CMSS1: variants seen among roughly 807,000 people sequenced by gnomAD.
The protein encoded by CMSS1 is protein CMSS1.
In CMSS1, 33 loss-of-function variants were observed where a neutral mutation model predicts 43.5. The observed-to-expected ratio is 0.76, with a 90% CI of 0.57 to 1.01. CMSS1 has a LOEUF of 1.01. CMSS1 is among the 50% of genes least tolerant of loss of function. CMSS1 has a pLI of 0.00. For missense variants in CMSS1, 313 were observed against 326.4 expected, an observed-to-expected ratio of 0.96 and a Z score of 0.32; for synonymous variants, 115 against 117.2, an observed-to-expected ratio of 0.98 and a Z score of 0.12.
At chr3:99,962,998 C>G (rs2107705608) in intron 1 of CMSS1, among the ~76,000 whole-genome samples, 1 of 152,324 alleles carries the variant, frequency 6.6e-6, no homozygotes, top group South Asian at 2.1e-4. Context: ...AGATTGCTCT[C>G]TTGATGGATT....
At chr3:100,172,460 A>G (rs1576121871) in intron 8 of CMSS1, 57 bp downstream of exon 8, 2 of 1,301,692 alleles carry the variant, frequency 1.5e-6, no homozygotes, top group Non-Finnish European at 1.1e-6. Context: ...CCTTACCTAC[A>G]TGTGAGTCTC....
chr3:99,987,997 C>A (rs1183169719), intron 1 of CMSS1, among the ~76,000 whole-genome samples: 1 of 152,058 alleles, frequency 6.6e-6, no homozygotes, highest in East Asian at 1.9e-4. Flanking sequence ...TCTTTTTTCT[C>A]TAATCAAATG....
rs555785841 is a variant in CMSS1 at position 100,093,912 on chromosome 3, C to G, written c.65-53061C>G. Among the ~76,000 whole-genome samples the G allele has an allele frequency of 9.2e-5, 14 of 152,118 alleles. No homozygotes were observed. The East Asian group carries it at 2.5e-3, about 27-fold the overall frequency. ...ATTTTTTGGCTATTACAAATAAAAC[C>G]ACCATAAAGATTTGTGTACAGGTTG... On this transcript the variant is annotated intron_variant, in intron 1 of 9. Coordinates refer to ENST00000421999, the MANE Select transcript of CMSS1 (RefSeq NM_032359.4).
At chr3:100,064,223 G>A (rs921848135) in intron 1 of CMSS1, among the ~76,000 whole-genome samples, 4 of 152,148 alleles carry the variant, frequency 2.6e-5, no homozygotes, top group African/African-American at 9.7e-5. Context: ...GTGGTGGATT[G>A]GGAAAGAGGA....
intron 1 of CMSS1, among the ~76,000 whole-genome samples, chr3:99,902,241 G>A (rs1352599136): frequency 2.0e-5 from 3 of 152,020 alleles, no homozygotes; most frequent in Non-Finnish European, 4.4e-5. Context: ...GGAATTTGGG[G>A]GCATGGTCTC....
At chr3:99,872,636 A>G (rs1347255464) in intron 1 of CMSS1, among the ~76,000 whole-genome samples, 1 of 152,140 alleles carries the variant, frequency 6.6e-6, no homozygotes, top group Non-Finnish European at 1.5e-5. Context: ...TTAACAATTT[A>G]TCATATTTTG....
chr3:100,014,887 C>CTTTTTTTTTTTTTTTTTTTT (rs1559725867), intron 1 of CMSS1, among the ~76,000 whole-genome samples: 3 of 32,464 alleles, frequency 9.2e-5, no homozygotes, highest in Non-Finnish European at 1.7e-4. Flanking sequence ...TTTTTTTTTT[C>CTTTTTTTTTTTTTTTTTTTT]TTTCTTTCTT....
intron 1 of CMSS1, among the ~76,000 whole-genome samples, chr3:99,980,900 G>A (rs554821019): frequency 4.6e-5 from 7 of 152,070 alleles, no homozygotes; most frequent in Non-Finnish European, 8.8e-5. Flanking sequence ...GGTTTGAATC[G>A]GGTACTTGAA....
intron 1 of CMSS1, chr3:99,833,034 G>A: frequency 1.7e-6 from 1 of 573,898 alleles, no homozygotes; most frequent in Non-Finnish European, 3.1e-6. Context: ...ACATGCATAT[G>A]GCTCTTTTAA....
chr3:99,945,197 A>T (rs192053840), intron 1 of CMSS1, among the ~76,000 whole-genome samples: 84 of 152,310 alleles, frequency 5.5e-4, no homozygotes, highest in African/African-American at 2.0e-3. Context: ...TCAGACTGAT[A>T]AAAGGTTTCT....
chr3:99,831,912 C>T (rs974578081), intron 1 of CMSS1, among the ~76,000 whole-genome samples: 1 of 152,196 alleles, frequency 6.6e-6, no homozygotes, highest in Non-Finnish European at 1.5e-5. Context: ...TCACCTGGAA[C>T]TCTAGCCTAC....
Position 99,848,854 on chromosome 3 carries a change from G to A in CMSS1, c.64+30811G>A, listed in dbSNP as rs374858996. 144 of 1,614,102 alleles carry A rather than the reference G, an allele frequency of 8.9e-5. 1 individual carries two copies. Among genetic ancestry groups the A allele is most frequent in the East Asian group, 6.2e-4 (28 of 44,878 alleles). On this transcript the variant is annotated intron_variant, in intron 1 of 9. Transcript: ENST00000421999. ...GAGGATGGTTATCCTTTGCTTTGGC[G>A]TGCCACAGTTCGGTATCACTGCAGT...
At chr3:99,951,300 A>G (rs1027333883) in intron 1 of CMSS1, among the ~76,000 whole-genome samples, 6 of 152,062 alleles carry the variant, frequency 3.9e-5, no homozygotes, top group African/African-American at 1.2e-4. Context: ...TACAGTAGCT[A>G]TTTTACTTAC....
At chr3:99,983,498 A>G (rs1423166553) in intron 1 of CMSS1, among the ~76,000 whole-genome samples, 3 of 105,904 alleles carry the variant, frequency 2.8e-5, no homozygotes, top group South Asian at 3.0e-4. Flanking sequence ...ATATATATAT[A>G]TATATATATA....
At chr3:99,886,160 C>T (rs1236606871) in intron 1 of CMSS1, among the ~76,000 whole-genome samples, 5 of 152,160 alleles carry the variant, frequency 3.3e-5, no homozygotes, top group Non-Finnish European at 7.3e-5. Flanking sequence ...TAGAAGAGTC[C>T]TACTGTATTC....
intron 1 of CMSS1, among the ~76,000 whole-genome samples, chr3:99,920,010 T>G (rs1415041769): frequency 6.6e-6 from 1 of 152,230 alleles, no homozygotes; most frequent in Non-Finnish European, 1.5e-5. Flanking sequence ...AAGCTACCAT[T>G]TGAACTTCTG....
chr3:100,148,102 A>G (rs762136013), intron 2 of CMSS1, among the ~76,000 whole-genome samples: 7 of 152,118 alleles, frequency 4.6e-5, no homozygotes, highest in Non-Finnish European at 8.8e-5. Flanking sequence ...TTTTTGAGAT[A>G]GGGTCTTGCT....
intron 1 of CMSS1, among the ~76,000 whole-genome samples, chr3:99,965,166 C>T (rs981011673): frequency 4.6e-5 from 7 of 152,210 alleles, no homozygotes; most frequent in Non-Finnish European, 8.8e-5. Flanking sequence ...AAGCATATCA[C>T]TTAGTCCCCA....
intron 1 of CMSS1, among the ~76,000 whole-genome samples, chr3:100,091,155 G>A (rs899760519): frequency 6.6e-6 from 1 of 151,248 alleles, no homozygotes; most frequent in African/African-American, 2.4e-5. Context: ...CATGGTGGCG[G>A]GCACCTGTAG....
Sources: allele counts gnomAD v4.1 joint callset (sites outside exome capture counted in the v4.1 genomes callset), GRCh38; gene constraint gnomAD v4.1.1; transcripts MANE v1.5; gene names NCBI Gene and HGNC (gene_info 2026-07-23, HGNC 2026-07-21).